Variants in ATP2C2 observed in about 807,000 individuals in gnomAD.
ATP2C2 encodes the protein ATPase secretory pathway Ca2+ transporting 2, also known as calcium-transporting ATPase type 2C member 2.
In ATP2C2, 171 loss-of-function variants were observed where a neutral mutation model predicts 110.8. That is an observed-to-expected ratio of 1.54 (90% confidence interval 1.36 to 1.75). The LOEUF (loss-of-function observed/expected upper bound fraction) is 1.75. Among genes scored for constraint, ATP2C2 ranks in the 40% most tolerant of loss-of-function variants. ATP2C2 has a pLI of 0.00. For missense variants in ATP2C2, 1,963 were observed against 1,235.0 expected, an observed-to-expected ratio of 1.59 and a Z score of -8.84; for synonymous variants, 804 against 508.4, an observed-to-expected ratio of 1.58 and a Z score of -7.82.
intron 2 of ATP2C2, among the ~76,000 whole-genome samples, chr16:84,401,267 A>G (rs953686072): frequency 1.6e-5 from 2 of 125,064 alleles, no homozygotes; most frequent in Admixed American, 1.0e-4. Context: ...TCTGTTGCCC[A>G]GGCTGGAGTG....
At chr16:84,401,876 G>T (rs1205509527) in intron 2 of ATP2C2, among the ~76,000 whole-genome samples, 1 of 152,018 alleles carries the variant, frequency 6.6e-6, no homozygotes, top group Non-Finnish European at 1.5e-5. Context: ...GAATGTCATT[G>T]TTATTTTAAT....
intron 7 of ATP2C2, among the ~76,000 whole-genome samples, chr16:84,419,352 C>G (rs898502295): frequency 2.0e-5 from 3 of 152,212 alleles, no homozygotes; most frequent in African/African-American, 2.4e-5. Flanking sequence ...TGTTCCCGCA[C>G]CACTGCTTCT....
chr16:84,390,548 C>G (rs1263032849), intron 1 of ATP2C2, among the ~76,000 whole-genome samples: 1 of 152,164 alleles, frequency 6.6e-6, no homozygotes, highest in African/African-American at 2.4e-5. Flanking sequence ...GGCACAGACA[C>G]AGAAGATGGA....
Position 84,375,523 on chromosome 16 carries a change from A to G in ATP2C2, c.99+6809A>G, listed in dbSNP as rs568724239. On this transcript the variant is annotated intron_variant, in intron 1 of 26. Coordinates refer to ENST00000262429, the MANE Select transcript of ATP2C2 (RefSeq NM_014861.4). ...GTCCCTGCACTTCAGCCTGGGTGACAGAGCAAGACTCTGTCTCAAAAAAAA... is the reference window on the plus strand; with the variant it reads ...GTCCCTGCACTTCAGCCTGGGTGACGGAGCAAGACTCTGTCTCAAAAAAAA... 6.1e-5 allele frequency among the ~76,000 whole-genome samples: 9 copies of G among 146,752 alleles called. No individual in the cohort carries two copies. The East Asian group carries it at 1.8e-3, about 30-fold the overall frequency.
intron 15 of ATP2C2, among the ~76,000 whole-genome samples, chr16:84,443,583 C>T (rs765230253): frequency 1.3e-5 from 2 of 152,190 alleles, no homozygotes; most frequent in Non-Finnish European, 2.9e-5. Flanking sequence ...TTCTCACTGG[C>T]GAGTGCCGAC....
Position 84,408,390 on chromosome 16 carries a change from T to A in ATP2C2, c.328-15T>A. On this transcript the variant is annotated splice_polypyrimidine_tract_variant and intron_variant, in intron 3 of 26. Transcript: ENST00000262429. ...AGACTAAAGAACGTGCCCCACCCTG[T>A]TATTTCCTCTTCAGTTTAAGAACCC... is the stretch of plus-strand genomic sequence containing the variant. 2 of 1,612,478 alleles carry A rather than the reference T, an allele frequency of 1.2e-6. No homozygotes were observed. Among genetic ancestry groups the A allele is most frequent in the Non-Finnish European group, 1.7e-6 (2 of 1,178,712 alleles).
intron 17 of ATP2C2, among the ~76,000 whole-genome samples, 172 bp downstream of exon 17, chr16:84,448,861 G>A (rs1191376790): frequency 6.6e-5 from 10 of 152,164 alleles, no homozygotes; most frequent in Non-Finnish European, 1.3e-4. Flanking sequence ...AAGGCACAGA[G>A]GTCCCCACCT....
chr16:84,394,485 G>A (rs1228124462), intron 1 of ATP2C2, among the ~76,000 whole-genome samples: 1 of 152,096 alleles, frequency 6.6e-6, no homozygotes, highest in Non-Finnish European at 1.5e-5. Context: ...TTAGTGTGAT[G>A]TCTTCCAGGT....
At chr16:84,384,761 T>C (rs1005526038) in intron 1 of ATP2C2, among the ~76,000 whole-genome samples, 19 of 152,160 alleles carry the variant, frequency 1.2e-4, no homozygotes, top group Non-Finnish European at 2.5e-4. Flanking sequence ...TATAAAGAAA[T>C]ACCTGAAGCC....
chr16:84,451,763 A>G (rs1038364720), intron 17 of ATP2C2, among the ~76,000 whole-genome samples, 158 bp from the exon 18 acceptor site: 1 of 152,126 alleles, frequency 6.6e-6, no homozygotes, highest in East Asian at 1.9e-4. Flanking sequence ...GTTTGAACCC[A>G]GGAGGCAGAG....
chr16:84,417,502 T>C (rs1034758195), intron 7 of ATP2C2, among the ~76,000 whole-genome samples: 12 of 152,238 alleles, frequency 7.9e-5, no homozygotes, highest in African/African-American at 2.4e-4. Flanking sequence ...TTTTTTATCA[T>C]TATCGTTCTA....
At chr16:84,431,897 G>A (rs1567719491) in intron 11 of ATP2C2, among the ~76,000 whole-genome samples, 1 of 152,168 alleles carries the variant, frequency 6.6e-6, no homozygotes, top group Admixed American at 6.5e-5. Flanking sequence ...CAGAAGCGGG[G>A]GCTGGGAGGA....
intron 6 of ATP2C2, among the ~76,000 whole-genome samples, chr16:84,412,560 GTGTGTGTGTA>G (rs1567705576): frequency 6.6e-6 from 1 of 151,136 alleles, no homozygotes; most frequent in Non-Finnish European, 1.5e-5. Flanking sequence ...GTGTGTGTGT[GTGTGTGTGTA>G]TGTGTGTGTG....
chr16:84,401,627 A>T (rs1341115301), intron 2 of ATP2C2, among the ~76,000 whole-genome samples: 1 of 152,146 alleles, frequency 6.6e-6, no homozygotes, highest in Non-Finnish European at 1.5e-5. Flanking sequence ...TTTGTCGAAA[A>T]CGAGTTCACT....
chr16:84,462,173 C>T (rs370445287), intron 26 of ATP2C2, 44 bp downstream of exon 26: 55 of 1,584,542 alleles, frequency 3.5e-5, no homozygotes, highest in East Asian at 1.1e-4. Context: ...CGACCAGGGC[C>T]ATGGGGGGCG....
At chr16:84,369,761 T>A (rs933668158) in intron 1 of ATP2C2, among the ~76,000 whole-genome samples, 1 of 152,256 alleles carries the variant, frequency 6.6e-6, no homozygotes, top group Non-Finnish European at 1.5e-5. Context: ...CGTGCTTTTT[T>A]AAAAATAGTG....
intron 6 of ATP2C2, among the ~76,000 whole-genome samples, chr16:84,411,370 C>A (rs953541048): frequency 6.6e-6 from 1 of 152,152 alleles, no homozygotes; most frequent in African/African-American, 2.4e-5. Context: ...TTAGCGTAGC[C>A]CTGTGTGATA....
intron 1 of ATP2C2, among the ~76,000 whole-genome samples, chr16:84,377,101 G>A (rs187287721): frequency 1.3e-5 from 2 of 151,924 alleles, no homozygotes; most frequent in East Asian, 3.9e-4. Context: ...TGCTAAGACT[G>A]AGTGAGTAGT....
Position 84,398,627 on chromosome 16 carries a change from A to AT in ATP2C2, c.210+19dup. ...CGTTTTGTGTAAGAATTGAATTTGCATCTGGAGCTAATTGTGATAAGGTTT... is the reference window on the plus strand; with the variant it reads ...CGTTTTGTGTAAGAATTGAATTTGCATTCTGGAGCTAATTGTGATAAGGTTT... On this transcript the variant is annotated intron_variant, in intron 2 of 26. Coordinates refer to ENST00000262429, the MANE Select transcript of ATP2C2 (RefSeq NM_014861.4). 1 of 1,569,434 alleles carries AT rather than the reference A, an allele frequency of 6.4e-7. No individual in the cohort carries two copies. The highest frequency in any genetic ancestry group is 1.8e-5 in the Admixed American group (1 of 56,966).
Sources: gnomAD v4.1 joint callset for allele counts (sites outside exome capture counted in the v4.1 genomes callset) on GRCh38, gnomAD v4.1.1 for gene constraint, MANE v1.5 for transcripts, NCBI Gene and HGNC (gene_info 2026-07-23, HGNC 2026-07-21) for gene names.